The following HSPA12A variants were observed in gnomAD, a reference collection of about 807,000 sequenced individuals.
HSPA12A encodes heat shock protein family A (Hsp70) member 12A.
HSPA12A carries 28 observed loss-of-function variants against 69.2 expected under a neutral mutation model. The ratio of observed to expected loss-of-function variants is 0.40; its 90% CI spans 0.30 to 0.55. The LOEUF is 0.55. Among genes scored for constraint, HSPA12A ranks in the 20% least tolerant of loss-of-function variants. The pLI is 0.38. For missense variants in HSPA12A, 686 were observed against 900.7 expected, an observed-to-expected ratio of 0.76 and a Z score of 3.05; for synonymous variants, 345 against 370.5, an observed-to-expected ratio of 0.93 and a Z score of 0.79.
intron 1 of HSPA12A, among the ~76,000 whole-genome samples, chr10:116,847,735 G>A (rs898988385): frequency 1.3e-5 from 2 of 152,282 alleles, no homozygotes; most frequent in Non-Finnish European, 1.5e-5. Flanking sequence ...ACACAGTGGC[G>A]AACAAGACAA....
chr10:116,797,232 T>C (rs928490941), intron 2 of HSPA12A, among the ~76,000 whole-genome samples: 6 of 152,026 alleles, frequency 3.9e-5, no homozygotes, highest in African/African-American at 1.4e-4. Flanking sequence ...TCTGTGTAGA[T>C]CCTATGTACT....
chr10:116,705,161 G>A lies in HSPA12A; in HGVS notation c.244C>T (p.His82Tyr), dbSNP rs1554882209. The A allele has an allele frequency of 1.9e-6, 3 of 1,614,162 alleles. No homozygotes were observed. The highest frequency in any genetic ancestry group is 3.3e-5 in the Admixed American group (2 of 60,026). ...ACCCACAGCACTCACCTCATCACAT[G>A]GATGCATTCCGGCTCCTTGGTGAAG... ...YSFTKEPECIHVMRRWEGGDP... is the reference protein window; with the variant it reads ...YSFTKEPECIYVMRRWEGGDP... Residue 82 changes from histidine (H) to tyrosine (Y), a missense_variant, in exon 3 of 12, where the codon CAT becomes TAT. His to Tyr is a moderately conservative substitution (Grantham distance 83). Transcript: ENST00000369209.
chr10:116,817,731 A>C (rs1845333376), intron 2 of HSPA12A, among the ~76,000 whole-genome samples: 1 of 152,190 alleles, frequency 6.6e-6, no homozygotes. Flanking sequence ...TGGGTCAGTC[A>C]AGATAATCTG....
At chr10:116,678,289 G>C (rs574824760) in intron 10 of HSPA12A, among the ~76,000 whole-genome samples, 49 of 121,004 alleles carry the variant, frequency 4.0e-4, no homozygotes, top group Non-Finnish European at 6.8e-4. Flanking sequence ...CCGTAAGGCA[G>C]ATATGCCAAA....
chr10:116,839,355 T>A (rs1251786368), intron 1 of HSPA12A, among the ~76,000 whole-genome samples: 1 of 152,172 alleles, frequency 6.6e-6, no homozygotes, highest in African/African-American at 2.4e-5. Flanking sequence ...CGGCTCTTCT[T>A]TGCTGTTTCC....
chr10:116,731,362 T>A (rs1479365640), intron 1 of HSPA12A, among the ~76,000 whole-genome samples: 1 of 152,170 alleles, frequency 6.6e-6, no homozygotes, highest in Non-Finnish European at 1.5e-5. Flanking sequence ...GTGACTCAGA[T>A]GAATGATGCA....
At chr10:116,716,176 C>T (rs1850598985) in intron 1 of HSPA12A, among the ~76,000 whole-genome samples, 2 of 151,916 alleles carry the variant, frequency 1.3e-5, no homozygotes, top group South Asian at 4.2e-4. Context: ...TCCTCCATCC[C>T]CTGCTGGGCC....
intron 5 of HSPA12A, among the ~76,000 whole-genome samples, chr10:116,696,230 C>T (rs935372926): frequency 2.0e-5 from 3 of 152,022 alleles, no homozygotes; most frequent in Admixed American, 6.6e-5. Context: ...TGTGATATTC[C>T]GTCACAGTGG....
intron 2 of HSPA12A, among the ~76,000 whole-genome samples, chr10:116,793,587 CA>C (rs1844747893): frequency 2.0e-5 from 3 of 151,066 alleles, no homozygotes; most frequent in Non-Finnish European, 4.4e-5. Context: ...AAACAACAAA[CA>C]AACAAAAAAA....
At chr10:116,777,246 G>C (rs1255489657) in intron 2 of HSPA12A, among the ~76,000 whole-genome samples, 1 of 152,202 alleles carries the variant, frequency 6.6e-6, no homozygotes, top group East Asian at 1.9e-4. Flanking sequence ...TATGCCCCTT[G>C]GGAACTTTAC....
In HSPA12A at chr10:116,806,682, C is replaced by T. The variant is rs535755601; in HGVS notation, c.91+28253G>A. Among the ~76,000 whole-genome samples, 82 of 152,280 alleles carry T rather than the reference C, an allele frequency of 5.4e-4. 2 individuals are homozygous for T. In the South Asian group the frequency reaches 0.017, roughly 31 times the overall value. The stretch of plus-strand genomic sequence containing the variant: ...ACTTAAAGCAGATATGCAAAGGTGC[C>T]CTGGCTCACAGTGCTAAGGGGCCCT... On this transcript the variant is annotated intron_variant, in intron 2 of 12. Transcript: ENST00000635765.
chr10:116,819,830 T>C (rs909052438), intron 2 of HSPA12A, among the ~76,000 whole-genome samples: 4 of 152,024 alleles, frequency 2.6e-5, no homozygotes, highest in Admixed American at 2.6e-4. Context: ...ACTTATAGGA[T>C]TTTTTGGTTT....
intron 8 of HSPA12A, 63 bp from the exon 9 acceptor site, chr10:116,681,319 T>C (rs1481269818): frequency 2.0e-5 from 26 of 1,330,614 alleles, no homozygotes; most frequent in Non-Finnish European, 2.7e-5. Context: ...AACAAGCTTG[T>C]GGGTGGTAAC....
intron 2 of HSPA12A, 79 bp downstream of exon 2, chr10:116,707,121 G>T (rs1850275037): frequency 8.6e-7 from 1 of 1,157,926 alleles, no homozygotes; most frequent in Non-Finnish European, 1.2e-6. Context: ...AAGGAAGTCA[G>T]TACGCACGTG....
Position 116,686,160 on chromosome 10 carries a change from C to G in HSPA12A, c.664-2198G>C, listed in dbSNP as rs1554879486. 6.6e-6 allele frequency among the ~76,000 whole-genome samples: 1 copy of G among 152,188 alleles called. No homozygotes were observed. The highest frequency in any genetic ancestry group is 1.5e-5 in the Non-Finnish European group (1 of 68,050). ...ACAGGGTCACATTAGACATCCTTAG[C>G]ACAAACATGGCTGGAGGTTAAAGTG... is the stretch of plus-strand genomic sequence containing the variant. On this transcript the variant is annotated intron_variant, in intron 6 of 11. Transcript: ENST00000369209. The surrounding 1 kb of genome is among the most constrained non-coding windows in gnomAD (Gnocchi z 4.1).
upstream of HSPA12A, among the ~76,000 whole-genome samples, chr10:116,746,845 A>G (rs1851660679): frequency 6.6e-6 from 1 of 152,212 alleles, no homozygotes; most frequent in African/African-American, 2.4e-5. Flanking sequence ...TGTTAAGCTT[A>G]AGAAACACTG....
chr10:116,709,185 G>A lies in HSPA12A; in HGVS notation c.41-1900C>T, dbSNP rs1356392592. Among the ~76,000 whole-genome samples the A allele has an allele frequency of 2.6e-5, 4 of 152,180 alleles. No homozygotes were observed. The East Asian group carries it at 5.8e-4, about 22-fold the overall frequency. Reference sequence around the variant, plus strand: ...GGATAGGCTGGGCGCGGTGGCTCACGCCTATAATCCCAGCACTTTGGGAGG... The same window carrying A: ...GGATAGGCTGGGCGCGGTGGCTCACACCTATAATCCCAGCACTTTGGGAGG... On this transcript the variant is annotated intron_variant, in intron 1 of 11. Coordinates refer to ENST00000369209, the MANE Select transcript of HSPA12A (RefSeq NM_025015.3).
chr10:116,755,334 G>A (rs1206361932), intron 2 of HSPA12A, among the ~76,000 whole-genome samples: 1 of 152,044 alleles, frequency 6.6e-6, no homozygotes, highest in Admixed American at 6.6e-5. Flanking sequence ...GGTGGCGGCT[G>A]GGCACAGTTG....
At chr10:116,759,102 C>G (rs1843916902) in intron 2 of HSPA12A, among the ~76,000 whole-genome samples, 1 of 152,254 alleles carries the variant, frequency 6.6e-6, no homozygotes, top group Non-Finnish European at 1.5e-5. Flanking sequence ...CCTCTCATAG[C>G]TGTTTTCTCT....
Sources: gnomAD v4.1 joint callset for allele counts (sites outside exome capture counted in the v4.1 genomes callset) on GRCh38, gnomAD v4.1.1 for gene constraint, Gnocchi (gnomAD v3.1) non-coding constraint, MANE v1.5 for transcripts, NCBI Gene and HGNC (gene_info 2026-07-23, HGNC 2026-07-21) for gene names.